FBXL7: variants seen among roughly 807,000 people sequenced by gnomAD.
FBXL7 encodes F-box and leucine rich repeat protein 7.
In FBXL7, 12 loss-of-function variants were observed where a neutral mutation model predicts 38.3. The observed-to-expected ratio is 0.31, with a 90% CI of 0.20 to 0.51. The LOEUF (loss-of-function observed/expected upper bound fraction) is 0.51. FBXL7 is among the 20% of genes least tolerant of loss of function. The probability of loss-of-function intolerance (pLI) is 0.98; values close to 1 mark genes in which losing one functional copy is unlikely to be tolerated. For synonymous variants in FBXL7, 297 were observed against 300.9 expected (o/e 0.99, Z 0.13); for missense variants, 567 against 676.4 (o/e 0.84, Z 1.79).
intron 1 of FBXL7, among the ~76,000 whole-genome samples, chr5:15,520,653 G>A (rs1473326504): frequency 1.3e-5 from 2 of 152,132 alleles, no homozygotes; most frequent in Non-Finnish European, 1.5e-5. Flanking sequence ...CATAAGTAGT[G>A]ATCAAGTTTC....
At chr5:15,750,606 T>C (rs1417669492) in intron 2 of FBXL7, among the ~76,000 whole-genome samples, 1 of 152,272 alleles carries the variant, frequency 6.6e-6, no homozygotes, top group East Asian at 1.9e-4. Context: ...CTTCTTTTTG[T>C]TTTATTTTGC....
At chr5:15,795,423 A>C (rs185344579) in intron 2 of FBXL7, among the ~76,000 whole-genome samples, 1 of 152,210 alleles carries the variant, frequency 6.6e-6, no homozygotes, top group Non-Finnish European at 1.5e-5. Context: ...ATGTGTGTCA[A>C]TTCTGGAAGC....
chr5:15,630,162 A>T (rs1740952516), intron 2 of FBXL7, among the ~76,000 whole-genome samples: 1 of 152,200 alleles, frequency 6.6e-6, no homozygotes, highest in South Asian at 2.1e-4. Context: ...AGTTCCTCTC[A>T]GAAAGTTTTT....
intron 1 of FBXL7, among the ~76,000 whole-genome samples, chr5:15,531,818 G>C (rs1737440520): frequency 6.6e-6 from 1 of 152,060 alleles, no homozygotes; most frequent in Non-Finnish European, 1.5e-5. Flanking sequence ...TCCCTCCCCT[G>C]CCTTTTCTAG....
intron 2 of FBXL7, among the ~76,000 whole-genome samples, chr5:15,638,569 A>G (rs971458222): frequency 5.3e-5 from 8 of 151,720 alleles, no homozygotes; most frequent in South Asian, 2.1e-4. Context: ...TGTCGAGTGC[A>G]TGCAGTAAGT....
chr5:15,739,378 C>G (rs1579423009), intron 2 of FBXL7, among the ~76,000 whole-genome samples: 1 of 152,346 alleles, frequency 6.6e-6, no homozygotes, highest in South Asian at 2.1e-4. Context: ...TTTCCTACAA[C>G]AGCCTTATGG....
chr5:15,707,441 G>A (rs967931499), intron 2 of FBXL7, among the ~76,000 whole-genome samples: 2 of 151,974 alleles, frequency 1.3e-5, no homozygotes, highest in Non-Finnish European at 2.9e-5. Context: ...ACATAATCAG[G>A]ATAAGGACAT....
intron 1 of FBXL7, among the ~76,000 whole-genome samples, chr5:15,528,476 C>G (rs1407733292): frequency 6.6e-6 from 1 of 152,190 alleles, no homozygotes; most frequent in Non-Finnish European, 1.5e-5. Context: ...TCACACAGTT[C>G]CATGTGGCTG....
At position 15,665,250 on chromosome 5, in the gene FBXL7, G is replaced by T. The variant is rs1742231155; in HGVS notation, c.127+49178G>T. ...CCCAATTTTTACCATGAGCCCCTGG[G>T]GGAGGCCAGTGAAAAAGCTTACTAA... On this transcript the variant is annotated intron_variant, in intron 2 of 3. Coordinates refer to ENST00000504595, the MANE Select transcript of FBXL7 (RefSeq NM_012304.5). 2.0e-5 allele frequency among the ~76,000 whole-genome samples: 3 copies of T among 152,204 alleles called. No homozygotes were observed. The South Asian group carries it at 6.2e-4, about 32-fold the overall frequency.
At chr5:15,510,149 C>T (rs535727362) in intron 1 of FBXL7, among the ~76,000 whole-genome samples, 89 of 152,286 alleles carry the variant, frequency 5.8e-4, no homozygotes, top group Non-Finnish European at 6.9e-4. Flanking sequence ...GTTAGCACTG[C>T]GTGAACTCAT....
intron 2 of FBXL7, among the ~76,000 whole-genome samples, chr5:15,643,305 C>A (rs746654055): frequency 6.6e-5 from 10 of 152,132 alleles, no homozygotes; most frequent in Non-Finnish European, 1.0e-4. Context: ...GCTAGACGTG[C>A]GCATGCATTC....
chr5:15,887,595 G>A lies in FBXL7; in HGVS notation c.128-40295G>A, dbSNP rs555801625. ...ACAAGTATAAATATTGGCCCTCTGCGCTTCTAAGCTTTGTTAAGGTGTATC... is the reference window on the plus strand; with the variant it reads ...ACAAGTATAAATATTGGCCCTCTGCACTTCTAAGCTTTGTTAAGGTGTATC... On this transcript the variant is annotated intron_variant, in intron 2 of 3. Transcript: ENST00000504595. 1.6e-4 allele frequency among the ~76,000 whole-genome samples: 24 copies of A among 152,236 alleles called. 1 individual carries two copies. The highest frequency in any genetic ancestry group is 4.3e-4 in the African/African-American group (18 of 41,542).
At chr5:15,578,819 G>T (rs557421541) in intron 1 of FBXL7, among the ~76,000 whole-genome samples, 4 of 152,146 alleles carry the variant, frequency 2.6e-5, no homozygotes, top group Non-Finnish European at 4.4e-5. Context: ...AAAAAGTTTG[G>T]TGGCTAAATT....
intron 2 of FBXL7, among the ~76,000 whole-genome samples, chr5:15,631,667 C>CAAAAA (rs754975686): frequency 6.8e-5 from 3 of 43,926 alleles, no homozygotes; most frequent in East Asian, 7.9e-4. Flanking sequence ...AGCGAGACTC[C>CAAAAA]AAAAAAAAAA....
intron 2 of FBXL7, among the ~76,000 whole-genome samples, chr5:15,818,743 T>TGTGAGA (rs1394101097): frequency 2.3e-4 from 9 of 39,464 alleles, no homozygotes; most frequent in Non-Finnish European, 4.2e-4. Flanking sequence ...TGTGTGTGTG[T>TGTGAGA]GAGAGAGAGA....
chr5:15,746,861 A>C (rs1736029226), intron 2 of FBXL7, among the ~76,000 whole-genome samples: 1 of 152,234 alleles, frequency 6.6e-6, no homozygotes, highest in Admixed American at 6.5e-5. Flanking sequence ...AACTGAAATA[A>C]ATACATACTA....
At position 15,590,385 on chromosome 5, in the gene FBXL7, C is replaced by G. The variant is rs185075857; in HGVS notation, c.38-25598C>G. Among the ~76,000 whole-genome samples the G allele has an allele frequency of 2.6e-3, 390 of 152,124 alleles. 3 individuals are homozygous for G. The highest frequency in any genetic ancestry group is 8.9e-3 in the African/African-American group (368 of 41,534). ...AGTCCCTTCTCTAAGCTTGACCTAGCTTTCTGCAATCTGATATGCCAGTCT... is the reference window on the plus strand; with the variant it reads ...AGTCCCTTCTCTAAGCTTGACCTAGGTTTCTGCAATCTGATATGCCAGTCT... On this transcript the variant is annotated intron_variant, in intron 1 of 3. Coordinates refer to ENST00000504595, the MANE Select transcript of FBXL7 (RefSeq NM_012304.5).
intron 1 of FBXL7, among the ~76,000 whole-genome samples, chr5:15,526,289 T>G (rs1737249769): frequency 6.6e-6 from 1 of 152,128 alleles, no homozygotes; most frequent in South Asian, 2.1e-4. Context: ...CACAGTGATC[T>G]TGGGCATGGA....
At chr5:15,533,669 T>C (rs1737491718) in intron 1 of FBXL7, among the ~76,000 whole-genome samples, 2 of 152,304 alleles carry the variant, frequency 1.3e-5, no homozygotes, top group South Asian at 4.1e-4. Flanking sequence ...CTGCTTTTCC[T>C]CCCTGTGCCA....
Sources: gnomAD v4.1 joint callset for allele counts (sites outside exome capture counted in the v4.1 genomes callset) on GRCh38, gnomAD v4.1.1 for gene constraint, MANE v1.5 for transcripts, NCBI Gene and HGNC (gene_info 2026-07-23, HGNC 2026-07-21) for gene names.